Variants in CADM2 observed in about 807,000 individuals in gnomAD.
The protein encoded by CADM2 is immunoglobulin superfamily member 4D.
Under a neutral mutation model 49.8 loss-of-function variants are expected in CADM2, and 12 were observed. The observed-to-expected ratio is 0.24, with a 90% CI of 0.15 to 0.39. The LOEUF (loss-of-function observed/expected upper bound fraction) is 0.39, where lower values mean the gene tolerates loss of function less well. Among genes scored for constraint, CADM2 ranks in the 10% least tolerant of loss-of-function variants. The pLI is 1.00. For missense variants in CADM2, 378 were observed against 492.3 expected, an observed-to-expected ratio of 0.77 and a Z score of 2.20; for synonymous variants, 214 against 175.4, an observed-to-expected ratio of 1.22 and a Z score of -1.74.
intron 2 of CADM2, among the ~76,000 whole-genome samples, chr3:85,794,697 G>T (rs543029449): frequency 1.3e-5 from 2 of 152,034 alleles, no homozygotes; most frequent in African/African-American, 4.8e-5. Context: ...ATAAGCTCTC[G>T]ATGATATGAC....
At chr3:85,828,750 C>G (rs112967789) in intron 3 of CADM2, among the ~76,000 whole-genome samples, 5,152 of 151,958 alleles carry the variant, frequency 0.034, 303 homozygotes, top group African/African-American at 0.12. Flanking sequence ...AATTTTCATC[C>G]TACAAACCAT....
rs570669084 is a variant in CADM2, at chr3:85,798,768, A to G, written c.89-3279A>G. Among the ~76,000 whole-genome samples, 196 of 152,204 alleles carry G rather than the reference A, an allele frequency of 1.3e-3. 2 individuals carry two copies. In the South Asian group the frequency reaches 0.023, roughly 18 times the overall value. ...GCCATATGGGCTCTTTTTTGGTTCC[A>G]TATGAAATTTAAAGTAGTTTTTTTT... is the stretch of plus-strand genomic sequence containing the variant. On this transcript the variant is annotated intron_variant, in intron 2 of 9. Transcript: ENST00000383699.
intron 1 of CADM2, among the ~76,000 whole-genome samples, chr3:85,417,404 A>C (rs1170182732): frequency 6.6e-6 from 1 of 152,154 alleles, no homozygotes; most frequent in African/African-American, 2.4e-5. Flanking sequence ...ATCGAGGCCC[A>C]ACACCAGTAC....
At chr3:85,329,751 T>C (rs1005576918) in intron 1 of CADM2, among the ~76,000 whole-genome samples, 1 of 152,172 alleles carries the variant, frequency 6.6e-6, no homozygotes, top group African/African-American at 2.4e-5. Context: ...TATGTTTCCA[T>C]ATATTTTACA....
intron 1 of CADM2, among the ~76,000 whole-genome samples, chr3:85,253,902 G>C (rs1340069590): frequency 6.6e-6 from 1 of 151,964 alleles, no homozygotes; most frequent in Non-Finnish European, 1.5e-5. Flanking sequence ...CTACTCAAGG[G>C]AACATTTCTG....
intron 1 of CADM2, among the ~76,000 whole-genome samples, chr3:85,463,841 C>T (rs543682256): frequency 6.6e-6 from 1 of 152,116 alleles, no homozygotes; most frequent in African/African-American, 2.4e-5. Flanking sequence ...ACAATTCTGA[C>T]AAAGGACATA....
intron 8 of CADM2, among the ~76,000 whole-genome samples, chr3:86,026,069 T>C (rs1270908154): frequency 4.6e-5 from 7 of 152,132 alleles, no homozygotes; most frequent in Admixed American, 1.3e-4. Context: ...TAATTTAATG[T>C]TTATTGTGTA....
intron 2 of CADM2, among the ~76,000 whole-genome samples, chr3:85,769,210 CA>C (rs1229379312): frequency 8.5e-6 from 1 of 116,986 alleles, no homozygotes; most frequent in African/African-American, 3.7e-5. Flanking sequence ...CACATATATA[CA>C]TATATAGTAT....
chr3:85,293,317 G>A (rs2043856821), intron 1 of CADM2, among the ~76,000 whole-genome samples: 1 of 151,362 alleles, frequency 6.6e-6, no homozygotes, highest in Admixed American at 6.6e-5. Flanking sequence ...ACCAAAAAGA[G>A]TCCAGGACCA....
At chr3:86,043,464 C>T (rs551191190) in intron 8 of CADM2, among the ~76,000 whole-genome samples, 2 of 152,276 alleles carry the variant, frequency 1.3e-5, no homozygotes, top group Non-Finnish European at 2.9e-5. Context: ...AGTGAACTCC[C>T]ATTCACAATT....
intron 1 of CADM2, among the ~76,000 whole-genome samples, chr3:85,154,615 G>A (rs918087014): frequency 6.6e-6 from 1 of 151,258 alleles, no homozygotes; most frequent in East Asian, 1.9e-4. Context: ...CTCGAGAAGA[G>A]CAACTCCAAG....
chr3:85,688,081 G>T (rs1369381501), intron 1 of CADM2, among the ~76,000 whole-genome samples: 1 of 152,100 alleles, frequency 6.6e-6, no homozygotes, highest in Non-Finnish European at 1.5e-5. Context: ...AATGTATGTG[G>T]AAACACTGTC....
intron 2 of CADM2, among the ~76,000 whole-genome samples, chr3:85,746,470 T>A (rs1182885574): frequency 6.6e-6 from 1 of 152,174 alleles, no homozygotes; most frequent in African/African-American, 2.4e-5. Context: ...GTGTACCATA[T>A]AACTGCATTT....
At chr3:85,884,495 A>G (rs942394250) in intron 4 of CADM2, among the ~76,000 whole-genome samples, 7 of 152,328 alleles carry the variant, frequency 4.6e-5, no homozygotes, top group African/African-American at 1.4e-4. Context: ...ACAACTGCAT[A>G]AGGTTAATGT....
chr3:85,864,302 C>G (rs1164459802), intron 3 of CADM2, among the ~76,000 whole-genome samples: 2 of 152,190 alleles, frequency 1.3e-5, no homozygotes, highest in African/African-American at 2.4e-5. Context: ...AAACCCAAAT[C>G]AGCAGGAATG....
chr3:85,190,659 A>T (rs1185539773), intron 1 of CADM2, among the ~76,000 whole-genome samples: 1 of 152,184 alleles, frequency 6.6e-6, no homozygotes, highest in East Asian at 1.9e-4. Context: ...GTGACAGATA[A>T]TAAGGAGCAG....
At chr3:85,218,872 T>C (rs919331644) in intron 1 of CADM2, among the ~76,000 whole-genome samples, 2 of 152,214 alleles carry the variant, frequency 1.3e-5, no homozygotes, top group Non-Finnish European at 2.9e-5. Context: ...GATGTATTAC[T>C]AATAACACAG....
In CADM2 at chr3:85,824,070, A is replaced by G. The variant is rs540437069; in HGVS notation, c.238+21874A>G. 6.6e-5 allele frequency among the ~76,000 whole-genome samples: 10 copies of G among 152,314 alleles called. No homozygotes were observed. In the East Asian group the frequency reaches 1.9e-3, roughly 29 times the overall value. On this transcript the variant is annotated intron_variant, in intron 3 of 9. Coordinates refer to ENST00000383699, the MANE Select transcript of CADM2 (RefSeq NM_001167675.2). ...CTATGCATTTCGCTGTTGTAATTTT[A>G]TTCTGGGACGTTTTTCACCCAATCA...
chr3:85,835,579 T>C (rs1191097000), intron 3 of CADM2, among the ~76,000 whole-genome samples: 1 of 150,990 alleles, frequency 6.6e-6, no homozygotes, highest in Admixed American at 6.6e-5. Context: ...GTTTTTATTT[T>C]TGGTGTTTTT....
Sources: gnomAD v4.1 joint callset for allele counts (sites outside exome capture counted in the v4.1 genomes callset) on GRCh38, gnomAD v4.1.1 for gene constraint, MANE v1.5 for transcripts, NCBI Gene and HGNC (gene_info 2026-07-23, HGNC 2026-07-21) for gene names.